Variants in ITGA9 observed in about 807,000 individuals in gnomAD.
The protein encoded by ITGA9 is integrin subunit alpha 9.
Under a neutral mutation model 127.8 loss-of-function variants are expected in ITGA9, and 56 were observed. That is an observed-to-expected ratio of 0.44 (90% CI 0.35 to 0.55). The LOEUF (loss-of-function observed/expected upper bound fraction) is 0.55, where lower values mean the gene tolerates loss of function less well. Ranked by LOEUF, ITGA9 falls within the 20% of genes least tolerant of loss-of-function variation. ITGA9 has a pLI of 0.00. For missense variants in ITGA9, 1,196 were observed against 1,347.1 expected, an observed-to-expected ratio of 0.89 and a Z score of 1.76; for synonymous variants, 508 against 514.5, an observed-to-expected ratio of 0.99 and a Z score of 0.17.
chr3:37,710,755 G>A (rs923527994), intron 18 of ITGA9, among the ~76,000 whole-genome samples: 1 of 152,188 alleles, frequency 6.6e-6, no homozygotes, highest in Non-Finnish European at 1.5e-5. Flanking sequence ...CCCACTTAAT[G>A]GCCAAAATAC....
chr3:37,492,491 C>A (rs1412202602), intron 4 of ITGA9, among the ~76,000 whole-genome samples: 1 of 152,252 alleles, frequency 6.6e-6, no homozygotes, highest in African/African-American at 2.4e-5. Context: ...AGGCTGTCAC[C>A]ACCTCGGAAA....
chr3:37,618,423 G>C (rs567032539), intron 15 of ITGA9, among the ~76,000 whole-genome samples: 2 of 152,218 alleles, frequency 1.3e-5, no homozygotes, highest in East Asian at 3.9e-4. Flanking sequence ...ACCCACTTGA[G>C]GAGGCAGTCT....
intron 26 of ITGA9, among the ~76,000 whole-genome samples, chr3:37,797,504 G>C (rs899129506): frequency 6.6e-6 from 1 of 152,142 alleles, no homozygotes; most frequent in Non-Finnish European, 1.5e-5. Flanking sequence ...GAAAACAGGA[G>C]TAAGGCAGGC....
chr3:37,780,843 G>A lies in ITGA9; in HGVS notation c.2787+822G>A, dbSNP rs567262558. Among the ~76,000 whole-genome samples the A allele has an allele frequency of 1.1e-4, 17 of 152,220 alleles. No homozygotes were observed. In the South Asian group the frequency reaches 3.5e-3, roughly 32 times the overall value. On this transcript the variant is annotated intron_variant, in intron 25 of 27. Coordinates refer to ENST00000264741, the MANE Select transcript of ITGA9 (RefSeq NM_002207.3). ...ATCCTCACCAACATCTGTTGTTGTA[G>A]TTGTTGTTGTTGAACTGTTTAGTAA...
intron 14 of ITGA9, among the ~76,000 whole-genome samples, chr3:37,539,109 C>T (rs77265319): frequency 0.013 from 2,023 of 152,312 alleles, 44 homozygotes; most frequent in African/African-American, 0.045. Context: ...TCAGTACTTC[C>T]GGATCAGTAC....
At chr3:37,609,472 T>A (rs1254412388) in intron 15 of ITGA9, among the ~76,000 whole-genome samples, 1 of 152,218 alleles carries the variant, frequency 6.6e-6, no homozygotes, top group Non-Finnish European at 1.5e-5. Context: ...GTTTCTTTTT[T>A]AACACTTATA....
At position 37,481,526 on chromosome 3, in the gene ITGA9, C is replaced by T; in HGVS notation, c.463C>T (p.His155Tyr). 6.2e-7 allele frequency: 1 copy of T among 1,614,180 alleles called. No individual in the cohort carries two copies. Among genetic ancestry groups the T allele is most frequent in the Non-Finnish European group, 8.5e-7 (1 of 1,180,012 alleles). ...GAAGAACATCTACTATGAAGCCGAC[C>T]ACATCCTACCCCATGGCTTCTGCTA... ...RWKNIYYEADHILPHGFCYII... is the reference protein window; with the variant it reads ...RWKNIYYEADYILPHGFCYII... The change falls in exon 4 of 28, where the codon CAC becomes TAC. Residue 155 changes from histidine to tyrosine, a missense_variant. Physicochemically the swap from His to Tyr is moderately conservative, Grantham distance 83. Transcript: ENST00000264741.
intron 10 of ITGA9, 27 bp downstream of exon 10, chr3:37,517,636 G>A (rs1193887970): frequency 3.4e-6 from 5 of 1,480,828 alleles, no homozygotes; most frequent in Non-Finnish European, 4.6e-6. Context: ...GGTGCACGGA[G>A]CCCCTCCAGG....
chr3:37,652,424 G>C (rs1389178491), intron 16 of ITGA9, among the ~76,000 whole-genome samples: 1 of 152,168 alleles, frequency 6.6e-6, no homozygotes, highest in Non-Finnish European at 1.5e-5. Flanking sequence ...GTGTCCAAAA[G>C]AACACAGGAA....
intron 7 of ITGA9, among the ~76,000 whole-genome samples, chr3:37,507,242 A>T (rs1230919273): frequency 6.6e-6 from 1 of 152,162 alleles, no homozygotes; most frequent in Non-Finnish European, 1.5e-5. Flanking sequence ...AGTTGCATGA[A>T]TTTATCTAAG....
At chr3:37,752,777 G>A (rs983170448) in intron 23 of ITGA9, among the ~76,000 whole-genome samples, 1 of 152,220 alleles carries the variant, frequency 6.6e-6, no homozygotes, top group Non-Finnish European at 1.5e-5. Context: ...TTTCACCAAA[G>A]AGTCTTTTGT....
chr3:37,513,879 T>A lies in ITGA9; in HGVS notation c.1014T>A (p.Thr338=). The A allele has an allele frequency of 1.2e-6, 2 of 1,613,548 alleles. No individual in the cohort carries two copies. Among genetic ancestry groups the A allele is most frequent in the Non-Finnish European group, 8.5e-7 (1 of 1,180,008 alleles). The part of the protein sequence containing the change: ...FSEIRDEGQV[T]VYINRGNGAL... ...AGATCAGGGATGAGGGACAGGTCAC[T>A]GTCTACATCAACAGAGGAAATGTGA... The change falls in exon 9 of 28, where the codon ACT becomes ACA. Residue 338 remains threonine (T), a synonymous_variant. Coordinates refer to ENST00000264741, the MANE Select transcript of ITGA9 (RefSeq NM_002207.3).
intron 15 of ITGA9, among the ~76,000 whole-genome samples, chr3:37,628,452 G>T (rs1700198308): frequency 1.3e-5 from 2 of 152,166 alleles, no homozygotes; most frequent in African/African-American, 4.8e-5. Flanking sequence ...CATGTGCCCT[G>T]GGGAACTGAG....
intron 15 of ITGA9, among the ~76,000 whole-genome samples, chr3:37,619,136 G>A (rs1700103799): frequency 6.6e-6 from 1 of 152,166 alleles, no homozygotes; most frequent in Non-Finnish European, 1.5e-5. Context: ...AAAGGACAAA[G>A]TAAAACTCCA....
rs1019987830 is a variant in ITGA9 at position 37,747,510 on chromosome 3, T to C, written c.2434-2952T>C. 6.6e-5 allele frequency among the ~76,000 whole-genome samples: 10 copies of C among 152,014 alleles called. 1 individual carries two copies. Among genetic ancestry groups the C allele is most frequent in the South Asian group, 4.2e-4 (2 of 4,808 alleles). Reference sequence around the variant, plus strand: ...TTATTCTTTCAATTTTTTTAATCCATTAACCATCCCCACCACCCCCCGCCA... The same window carrying C: ...TTATTCTTTCAATTTTTTTAATCCACTAACCATCCCCACCACCCCCCGCCA... On this transcript the variant is annotated intron_variant, in intron 22 of 27. Coordinates refer to ENST00000264741, the MANE Select transcript of ITGA9 (RefSeq NM_002207.3).
At chr3:37,798,163 G>A (rs1191597152) in intron 26 of ITGA9, among the ~76,000 whole-genome samples, 1 of 152,002 alleles carries the variant, frequency 6.6e-6, no homozygotes. Context: ...GCTAATTTCT[G>A]TGTTTTTGTA....
chr3:37,548,655 T>C (rs960945429), intron 15 of ITGA9, among the ~76,000 whole-genome samples: 11 of 152,270 alleles, frequency 7.2e-5, no homozygotes, highest in African/African-American at 2.6e-4. Flanking sequence ...TTAGTTTGCT[T>C]CTCCAGAAGA....
intron 16 of ITGA9, among the ~76,000 whole-genome samples, chr3:37,635,931 T>G (rs1034970257): frequency 3.3e-5 from 5 of 151,888 alleles, no homozygotes; most frequent in Admixed American, 6.5e-5. Flanking sequence ...GGTTTCCAGT[T>G]TCATCCATGT....
intron 18 of ITGA9, among the ~76,000 whole-genome samples, chr3:37,727,284 T>C (rs1220830194): frequency 6.6e-6 from 1 of 152,216 alleles, no homozygotes; most frequent in Non-Finnish European, 1.5e-5. Flanking sequence ...TGTATGGTAG[T>C]AGAAATTTTT....
Sources: allele counts gnomAD v4.1 joint callset (sites outside exome capture counted in the v4.1 genomes callset), GRCh38; gene constraint gnomAD v4.1.1; transcripts MANE v1.5; gene names NCBI Gene and HGNC (gene_info 2026-07-23, HGNC 2026-07-21).